Variants in CRKL observed in about 807,000 individuals in gnomAD.
CRKL encodes CRK like proto-oncogene, adaptor protein, also known as crk-like protein.
Under a neutral mutation model 23.0 loss-of-function variants are expected in CRKL, and 3 were observed. The observed-to-expected ratio is 0.13, with a 90% confidence interval of 0.06 to 0.34. The LOEUF is 0.34. Among genes scored for constraint, CRKL ranks in the 10% least tolerant of loss-of-function variants. The pLI, the probability that CRKL is intolerant of heterozygous loss-of-function variation, is 1.00. For synonymous variants in CRKL, 188 were observed against 160.7 expected, an observed-to-expected ratio of 1.17 and a Z score of -1.28; for missense variants, 256 against 394.5, an observed-to-expected ratio of 0.65 and a Z score of 2.97.
At position 20,918,002 on chromosome 22, in the gene CRKL, A is replaced by G. The variant is rs1460095339; in HGVS notation, c.68A>G (p.Glu23Gly). The change falls in exon 1 of 3, where the codon GAG (glutamate) becomes GGG (glycine). Residue 23 changes from glutamate (E) to glycine (G), a missense_variant. By Grantham distance (98) the Glu-to-Gly change is moderately conservative (BLOSUM62 -2). This residue lies in a region of CRKL where 85 missense variants were observed against 139.8 expected (regional missense o/e 0.61). Coordinates refer to ENST00000354336, the MANE Select transcript of CRKL (RefSeq NM_005207.4). Reference protein sequence around the residue: ...AWYMGPVSRQEAQTRLQGQRH... With the variant: ...AWYMGPVSRQGAQTRLQGQRH... ...TATATGGGGCCGGTGTCTCGCCAGG[A>G]GGCGCAGACCCGGCTCCAGGGCCAG... The G allele has an allele frequency of 6.2e-7, 1 of 1,614,094 alleles. No individual in the cohort carries two copies. The highest frequency in any genetic ancestry group is 1.7e-5 in the Admixed American group (1 of 60,014).
chr22:20,941,578 GTA>G lies in CRKL; in HGVS notation c.777+7344_777+7345del, dbSNP rs1471823059. On this transcript the variant is annotated intron_variant, in intron 2 of 2. Transcript: ENST00000354336. Reference sequence around the variant, plus strand: ...TGTGTGTGTGTGTGTGTGTGTGTGTGTATATATATATTTTTTTTTTTTTTTTT... The same window carrying G: ...TGTGTGTGTGTGTGTGTGTGTGTGTGTATATATATTTTTTTTTTTTTTTTT... Among the ~76,000 whole-genome samples, 23 of 38,982 alleles carry G rather than the reference GTA, an allele frequency of 5.9e-4. 6 individuals are homozygous for G. The highest frequency in any genetic ancestry group is 2.3e-3 in the South Asian group (2 of 868). 25.6% of individuals were successfully genotyped at this position (38,982 alleles called of 152,430 possible). A position where few individuals can be genotyped will look rare whatever the true frequency, so the allele number is the denominator to read the frequency against.
chr22:20,933,908 T>C lies in CRKL; in HGVS notation c.441T>C (p.Gly147=). ...NDAEDLPFKK[G]EILVIIEKPE... is the part of the protein sequence containing the mutation. ...CCGAAGACCTGCCCTTTAAAAAGGGTGAGATCCTAGTGATAATAGAGAAGC... is the reference window on the plus strand; with the variant it reads ...CCGAAGACCTGCCCTTTAAAAAGGGCGAGATCCTAGTGATAATAGAGAAGC... The change falls in exon 2 of 3, where the codon GGT becomes GGC. Residue 147 remains glycine (G), a synonymous_variant. Coordinates refer to ENST00000354336, the MANE Select transcript of CRKL (RefSeq NM_005207.4). 1 of 1,613,834 alleles carries C rather than the reference T, an allele frequency of 6.2e-7. No homozygotes were observed. The highest frequency in any genetic ancestry group is 1.1e-5 in the South Asian group (1 of 91,068).
At chr22:20,923,575 CATT>C (rs1438200331) in intron 1 of CRKL, among the ~76,000 whole-genome samples, 1 of 109,762 alleles carries the variant, frequency 9.1e-6, no homozygotes, top group Non-Finnish European at 1.8e-5. Flanking sequence ...CCGCGCCTGG[CATT>C]TTTTTTTTTT....
chr22:20,941,183 G>A (rs1025820634), intron 2 of CRKL, among the ~76,000 whole-genome samples: 4 of 151,962 alleles, frequency 2.6e-5, no homozygotes, highest in Non-Finnish European at 5.9e-5. Context: ...TTCTTACCAA[G>A]GCTTCCCAGA....
intron 1 of CRKL, among the ~76,000 whole-genome samples, chr22:20,924,128 C>T (rs1373058325): frequency 6.6e-6 from 1 of 152,160 alleles, no homozygotes; most frequent in Admixed American, 6.6e-5. Flanking sequence ...GTCGAGGCTA[C>T]AGTGAGCTAT....
chr22:20,941,612 T>TTC, intron 2 of CRKL, among the ~76,000 whole-genome samples: 1 of 122,640 alleles, frequency 8.2e-6, no homozygotes, highest in Non-Finnish European at 1.7e-5. Context: ...TTTTTTTTTT[T>TTC]GAGATAGAGT....
intron 2 of CRKL, among the ~76,000 whole-genome samples, chr22:20,939,728 G>C (rs1048902030): frequency 1.3e-5 from 2 of 151,122 alleles, no homozygotes; most frequent in African/African-American, 4.9e-5. Context: ...GAGTTTTGTA[G>C]TTTTGTTGTT....
At chr22:20,942,272 T>C (rs1921909533) in intron 2 of CRKL, among the ~76,000 whole-genome samples, 1 of 152,208 alleles carries the variant, frequency 6.6e-6, no homozygotes, top group Non-Finnish European at 1.5e-5. Context: ...TGTCCCAGCA[T>C]GGGGTGACTC....
intron 1 of CRKL, 53 bp from the exon 2 acceptor site, chr22:20,933,726 C>T (rs2147904336): frequency 7.1e-7 from 1 of 1,414,686 alleles, no homozygotes; most frequent in Admixed American, 2.1e-5. Flanking sequence ...GTTTGACAGG[C>T]ACTGGCTTAG....
At chr22:20,925,241 C>T (rs182961468) in intron 1 of CRKL, among the ~76,000 whole-genome samples, 1 of 148,176 alleles carries the variant, frequency 6.7e-6, no homozygotes, top group African/African-American at 2.5e-5. Flanking sequence ...AGTAGCCATT[C>T]GATTTGTGAC....
intron 1 of CRKL, among the ~76,000 whole-genome samples, chr22:20,927,111 CA>C (rs371278201): frequency 2.5e-3 from 120 of 48,478 alleles, no homozygotes; most frequent in East Asian, 0.015. Context: ...GACTCCGTCT[CA>C]AAAAAAAAAA....
rs772957858 is a variant in CRKL, at chr22:20,917,893, C to G, written c.-42C>G. On this transcript the variant is annotated 5_prime_UTR_variant, in exon 1 of 3. Coordinates refer to ENST00000354336, the MANE Select transcript of CRKL (RefSeq NM_005207.4). ...CTAAGGCGTGCAGAGCAGGCGAGGA[C>G]AGCCGCCGCCCCTACCGCCGCAGAG... 1.9e-6 allele frequency: 3 copies of G among 1,585,778 alleles called. 1 individual carries two copies. In the South Asian group the frequency reaches 3.4e-5, roughly 18 times the overall value.
intron 1 of CRKL, among the ~76,000 whole-genome samples, chr22:20,927,909 C>G (rs549607060): frequency 2.0e-5 from 3 of 148,022 alleles, no homozygotes; most frequent in Non-Finnish European, 4.4e-5. Context: ...TGTCTGTAAT[C>G]CCAGCACTTT....
chr22:20,929,331 AT>A (rs1187129328), intron 1 of CRKL, among the ~76,000 whole-genome samples: 1 of 150,114 alleles, frequency 6.7e-6, no homozygotes, highest in Non-Finnish European at 1.5e-5. Flanking sequence ...CGCTCAGCTA[AT>A]TTTTTTGTAT....
rs1922330414 is a variant in CRKL at position 20,952,876 on chromosome 22, G to A, written c.*3031G>A. ...ACATGGTTAACGAGGAAGACGATGT[G>A]TTGACCGGCTGCCGTTTGAGGACTT... is the stretch of plus-strand genomic sequence containing the variant. On this transcript the variant is annotated 3_prime_UTR_variant, in exon 3 of 3. Coordinates refer to ENST00000354336, the MANE Select transcript of CRKL (RefSeq NM_005207.4). 4.3e-6 allele frequency: 1 copy of A among 231,488 alleles called. No homozygotes were observed. Among genetic ancestry groups the A allele is most frequent in the Non-Finnish European group, 8.6e-6 (1 of 116,778 alleles). 14.3% of individuals were successfully genotyped at this position (231,488 alleles called of 1,614,324 possible). A position where few individuals can be genotyped will look rare whatever the true frequency, so the allele number is the denominator to read the frequency against.
rs760848784 is a variant in CRKL at position 20,918,120 on chromosome 22, C to T, written c.186C>T (p.Ile62=). 6.2e-7 allele frequency: 1 copy of T among 1,614,196 alleles called. No individual in the cohort carries two copies. The highest frequency in any genetic ancestry group is 8.5e-7 in the Non-Finnish European group (1 of 1,180,038). The change falls in exon 1 of 3, where the codon ATC becomes ATT. Residue 62 remains isoleucine, a synonymous_variant. Coordinates refer to ENST00000354336, the MANE Select transcript of CRKL (RefSeq NM_005207.4). ...AGAACTCGCGGGTCTCCCACTACATCATCAACTCGCTGCCCAACCGCCGTT... is the reference window on the plus strand; with the variant it reads ...AGAACTCGCGGGTCTCCCACTACATTATCAACTCGCTGCCCAACCGCCGTT... ...VSENSRVSHY[I]INSLPNRRFK...
In CRKL at chr22:20,934,231, C is replaced by T. The variant is rs2147906112; in HGVS notation, c.764C>T (p.Ala255Val). ...GTACCCTGTGCTTATGACAAGACTGCCTTGGCATTAGAGGTAAAATCTGTT... is the reference window on the plus strand; with the variant it reads ...GTACCCTGTGCTTATGACAAGACTGTCTTGGCATTAGAGGTAAAATCTGTT... ...KRVPCAYDKT[A>V]LALEVGDIVK... The change falls in exon 2 of 3, where the codon GCC becomes GTC. Residue 255 changes from alanine to valine, a missense_variant. Transcript: ENST00000354336. 1 of 1,612,242 alleles carries T rather than the reference C, an allele frequency of 6.2e-7. No individual in the cohort carries two copies. The highest frequency in any genetic ancestry group is 8.5e-7 in the Non-Finnish European group (1 of 1,178,494).
chr22:20,926,993 T>C (rs570668452), intron 1 of CRKL, among the ~76,000 whole-genome samples: 1 of 150,866 alleles, frequency 6.6e-6, no homozygotes, highest in African/African-American at 2.4e-5. Context: ...GCGCCTATAG[T>C]CCCAGCTACT....
Position 20,950,409 on chromosome 22 carries a change from T to G in CRKL, c.*564T>G. ...GTGGGGGTTTTTTTTTGTTTTGTTTTGTTTGTTTTGTTTTGTTTTTTTGAG... is the reference window on the plus strand; with the variant it reads ...GTGGGGGTTTTTTTTTGTTTTGTTTGGTTTGTTTTGTTTTGTTTTTTTGAG... On this transcript the variant is annotated 3_prime_UTR_variant, in exon 3 of 3. Coordinates refer to ENST00000354336, the MANE Select transcript of CRKL (RefSeq NM_005207.4). The G allele has an allele frequency of 4.3e-6, 1 of 232,544 alleles. No homozygotes were observed. Among genetic ancestry groups the G allele is most frequent in the Non-Finnish European group, 8.5e-6 (1 of 117,996 alleles). The allele number at this position is 232,544 out of a possible 1,614,324, so 14.4% of individuals were successfully genotyped here. A position where few individuals can be genotyped will look rare whatever the true frequency, so the allele number is the denominator to read the frequency against.
Sources: gnomAD v4.1 joint callset for allele counts (sites outside exome capture counted in the v4.1 genomes callset) on GRCh38, gnomAD v4.1.1 for gene constraint, gnomAD v4.1.1 regional missense constraint, MANE v1.5 for transcripts, NCBI Gene and HGNC (gene_info 2026-07-23, HGNC 2026-07-21) for gene names.